The following SLC45A4 variants were observed in gnomAD, a reference collection of about 807,000 sequenced individuals.
SLC45A4 encodes solute carrier family 45 member 4, also known as polyamine-transporter SLC45A4.
Under a neutral mutation model 63.7 loss-of-function variants are expected in SLC45A4, and 32 were observed. The observed-to-expected ratio is 0.50, with a 90% CI of 0.38 to 0.67. The LOEUF (loss-of-function observed/expected upper bound fraction) is 0.67, where lower values mean the gene tolerates loss of function less well. Among genes scored for constraint, SLC45A4 ranks in the 30% least tolerant of loss-of-function variants. SLC45A4 has a pLI of 0.00. For synonymous variants in SLC45A4, 535 were observed against 510.0 expected (o/e 1.05, Z -0.66); for missense variants, 1,027 against 1,157.7 (o/e 0.89, Z 1.64).
In SLC45A4 at chr8:141,218,121, C is replaced by T; in HGVS notation, c.1519G>A (p.Glu507Lys). ...LWLSMLKMPR[E>K]LMRLCLCHLL... ...TGGCAGAGGCACAGCCGCATCAGCT[C>T]CCTGGGCATCTTCAGCATGGAGAGC... Residue 507 changes from glutamate (E) to lysine (K), a missense_variant, in exon 5 of 9, where the codon GAG becomes AAG. By Grantham distance (56) the Glu-to-Lys change is moderately conservative. Coordinates refer to ENST00000517878, the MANE Select transcript of SLC45A4 (RefSeq NM_001286646.2). 6.2e-7 allele frequency: 1 copy of T among 1,612,076 alleles called. No individual in the cohort carries two copies. Among genetic ancestry groups the T allele is most frequent in the Non-Finnish European group, 8.5e-7 (1 of 1,179,970 alleles).
chr8:141,213,051 C>G (rs1018741443), intron 7 of SLC45A4, among the ~76,000 whole-genome samples: 1 of 127,350 alleles, frequency 7.9e-6, no homozygotes. Context: ...AAGAAAACTG[C>G]TGTACATATA....
At chr8:141,269,102 T>C (rs1055543241) in intron 1 of SLC45A4, among the ~76,000 whole-genome samples, 5 of 152,192 alleles carry the variant, frequency 3.3e-5, no homozygotes, top group African/African-American at 1.2e-4. Flanking sequence ...TCCTGAGTCA[T>C]ACGCTGTATA....
intron 1 of SLC45A4, among the ~76,000 whole-genome samples, chr8:141,297,508 C>T (rs1563682639): frequency 6.6e-6 from 1 of 152,262 alleles, no homozygotes; most frequent in South Asian, 2.1e-4. Flanking sequence ...ATTTACAGGG[C>T]TTCCAGGCTC....
chr8:141,283,296 G>A (rs1830023826), intron 1 of SLC45A4, among the ~76,000 whole-genome samples: 1 of 152,204 alleles, frequency 6.6e-6, no homozygotes, highest in South Asian at 2.1e-4. Flanking sequence ...TGAGCAGGTG[G>A]CGCTCAGTAC....
At chr8:141,211,724 A>C (rs1334632361) in intron 8 of SLC45A4, 27 bp from the exon 9 acceptor site, 1 of 1,514,408 alleles carries the variant, frequency 6.6e-7, no homozygotes. Context: ...TGATAAAAAT[A>C]TTTTAGTCAC....
intron 4 of SLC45A4, among the ~76,000 whole-genome samples, chr8:141,219,342 G>A (rs557328826): frequency 6.6e-6 from 1 of 152,358 alleles, no homozygotes; most frequent in African/African-American, 2.4e-5. Flanking sequence ...CACCCTGGAT[G>A]GGAGTACTGC....
intron 2 of SLC45A4, among the ~76,000 whole-genome samples, chr8:141,248,572 A>AT (rs1394716926): frequency 6.6e-6 from 1 of 152,138 alleles, no homozygotes; most frequent in African/African-American, 2.4e-5. Context: ...TTTAAAAAAA[A>AT]AAATAATAAT....
At position 141,278,839 on chromosome 8, in the gene SLC45A4, C is replaced by A. The variant is rs1300697872; in HGVS notation, c.-400-24210G>T. 6.6e-6 allele frequency among the ~76,000 whole-genome samples: 1 copy of A among 152,240 alleles called. No homozygotes were observed. Among genetic ancestry groups the A allele is most frequent in the Admixed American group, 6.5e-5 (1 of 15,294 alleles). On this transcript the variant is annotated intron_variant, in intron 1 of 8. Coordinates refer to ENST00000517878, the MANE Select transcript of SLC45A4 (RefSeq NM_001286646.2). The surrounding 1 kb of genome is among the most constrained non-coding windows in gnomAD (Gnocchi z 4.1). ...TCAGACCTGCTGGGGGCATCCTTTG[C>A]CCCGGGCTCTGTCCCTACTGCCCCC...
In SLC45A4 at chr8:141,251,716, C is replaced by G. The variant is rs140289333; in HGVS notation, c.241+2273G>C. Among the ~76,000 whole-genome samples the G allele has an allele frequency of 1.7e-3, 264 of 152,052 alleles. 1 individual carries two copies. The highest frequency in any genetic ancestry group is 6.2e-3 in the African/African-American group (257 of 41,462). Reference sequence around the variant, plus strand: ...AGGTTTTTAAAGATGAAAAAAGACACAGGATTGCAGACGGAAAAGCACGCT... The same window carrying G: ...AGGTTTTTAAAGATGAAAAAAGACAGAGGATTGCAGACGGAAAAGCACGCT... On this transcript the variant is annotated intron_variant, in intron 2 of 8. Transcript: ENST00000517878.
At chr8:141,275,419 A>G (rs1829692207) in intron 1 of SLC45A4, among the ~76,000 whole-genome samples, 1 of 152,224 alleles carries the variant, frequency 6.6e-6, no homozygotes, top group Non-Finnish European at 1.5e-5. Context: ...TTTACCCTTT[A>G]GAACTTATCA....
intron 1 of SLC45A4, among the ~76,000 whole-genome samples, chr8:141,290,049 A>C (rs563081673): frequency 2.6e-5 from 4 of 151,522 alleles, no homozygotes. Flanking sequence ...AAAGCAAAAA[A>C]CATATTATGT....
chr8:141,212,154 A>ACCCG lies in SLC45A4; in HGVS notation c.2301+39_2301+42dup, dbSNP rs757677876. 11 of 535,110 alleles carry ACCCG rather than the reference A, an allele frequency of 2.1e-5. No homozygotes were observed. In the East Asian group the frequency reaches 2.2e-4, roughly 11 times the overall value. The allele number at this position is 535,110 out of a possible 1,614,324, so 33.1% of individuals were successfully genotyped here. A position where few individuals can be genotyped will look rare whatever the true frequency, so the allele number is the denominator to read the frequency against. On this transcript the variant is annotated intron_variant, in intron 8 of 8. Coordinates refer to ENST00000517878, the MANE Select transcript of SLC45A4 (RefSeq NM_001286646.2). ...GGCCCCGCCGCCCGCCCGCCCGCCC[A>ACCCG]CCCGCCCACTGGAATGTGTGTAAAC...
In SLC45A4 at chr8:141,227,331, G is replaced by T. The variant is rs899605007; in HGVS notation, c.242-5566C>A. Reference sequence around the variant, plus strand: ...TGAGGGGAGACTGGCGGGGGGTGGGGAGGGCAAGGAGTGGGAAAGTCGCCT... The same window carrying T: ...TGAGGGGAGACTGGCGGGGGGTGGGTAGGGCAAGGAGTGGGAAAGTCGCCT... On this transcript the variant is annotated intron_variant, in intron 2 of 8. Transcript: ENST00000517878. This position sits in a 1 kb window ranked among gnomAD's most constrained non-coding sequence, Gnocchi z 4.4. Among the ~76,000 whole-genome samples, 4 of 152,150 alleles carry T rather than the reference G, an allele frequency of 2.6e-5. No individual in the cohort carries two copies. The highest frequency in any genetic ancestry group is 9.7e-5 in the African/African-American group (4 of 41,416).
rs758155825 is a variant in SLC45A4 at position 141,219,644 on chromosome 8, C to T, written c.610+6G>A. Reference sequence around the variant, plus strand: ...CGGCCACCCAGCCTTGGTGCGGCAGCGTTACCGGCAGAGAAGGCGTGGATG... The same window carrying T: ...CGGCCACCCAGCCTTGGTGCGGCAGTGTTACCGGCAGAGAAGGCGTGGATG... On this transcript the variant is annotated splice_donor_region_variant and intron_variant, in intron 4 of 8. Transcript: ENST00000517878. 4.4e-6 allele frequency: 7 copies of T among 1,600,268 alleles called. No homozygotes were observed. Among genetic ancestry groups the T allele is most frequent in the East Asian group, 2.2e-5 (1 of 44,632 alleles).
chr8:141,271,396 G>C (rs1340733713), intron 1 of SLC45A4, among the ~76,000 whole-genome samples: 1 of 152,222 alleles, frequency 6.6e-6, no homozygotes, highest in African/African-American at 2.4e-5. Flanking sequence ...CAACAGCTGT[G>C]GGATCCTACC....
At chr8:141,228,324 C>T in intron 2 of SLC45A4, 2 of 1,601,508 alleles carry the variant, frequency 1.2e-6, no homozygotes, top group Non-Finnish European at 1.7e-6. Flanking sequence ...CCCAGGGGGC[C>T]ACTGTTTCTC....
chr8:141,239,802 T>A (rs1827816477), intron 2 of SLC45A4, among the ~76,000 whole-genome samples: 1 of 152,216 alleles, frequency 6.6e-6, no homozygotes. Context: ...CTGGAGGGCA[T>A]GGCCTCTGCA....
intron 1 of SLC45A4, among the ~76,000 whole-genome samples, chr8:141,258,823 C>A (rs537222135): frequency 2.0e-5 from 3 of 150,928 alleles, no homozygotes; most frequent in African/African-American, 4.9e-5. Flanking sequence ...CCCAGGAGTT[C>A]AAGGCTGAAG....
rs775435684 is a variant in SLC45A4, at chr8:141,212,476, C to T, written c.2022G>A (p.Ser674=). 16 of 1,613,814 alleles carry T rather than the reference C, an allele frequency of 9.9e-6. No individual in the cohort carries two copies. In the Admixed American group the frequency reaches 1.2e-4, roughly 12 times the overall value. ...CAILSCQVYI[S]QILVASALGG... is the part of the protein sequence containing the mutation. ...CAAGGGCAGAGGCCACCAGGATCTG[C>T]GAGATGTACACTTGGCAGGACAGGA... Residue 674 remains serine (S), a synonymous_variant, in exon 8 of 9, where the codon TCG becomes TCA. Coordinates refer to ENST00000517878, the MANE Select transcript of SLC45A4 (RefSeq NM_001286646.2).
Sources: allele counts gnomAD v4.1 joint callset (sites outside exome capture counted in the v4.1 genomes callset), GRCh38; gene constraint gnomAD v4.1.1; non-coding constraint Gnocchi (gnomAD v3.1); transcripts MANE v1.5; gene names NCBI Gene and HGNC (gene_info 2026-07-23, HGNC 2026-07-21).